Variants in HNRNPL observed in about 807,000 individuals in gnomAD.
The protein encoded by HNRNPL is epididymis secretory sperm binding protein.
Under a neutral mutation model 64.0 loss-of-function variants are expected in HNRNPL, and 12 were observed. The ratio of observed to expected loss-of-function variants is 0.19; its 90% CI spans 0.12 to 0.30. The LOEUF (loss-of-function observed/expected upper bound fraction) is 0.30, where lower values mean the gene tolerates loss of function less well. Ranked by LOEUF, HNRNPL falls within the 10% of genes least tolerant of loss-of-function variation. The pLI is 1.00. For synonymous variants in HNRNPL, 385 were observed against 313.0 expected, an observed-to-expected ratio of 1.23 and a Z score of -2.43; for missense variants, 484 against 797.4, an observed-to-expected ratio of 0.61 and a Z score of 4.73.
chr19:38,847,272 G>A, intron 2 of HNRNPL, 44 bp downstream of exon 2: 1 of 962,660 alleles, frequency 1.0e-6, no homozygotes, highest in Non-Finnish European at 1.5e-6. Flanking sequence ...GGACACCCAG[G>A]AGTCAACTTT....
chr19:38,838,341 C>A (rs1971997090), intron 10 of HNRNPL, 56 bp downstream of exon 10: 1 of 1,433,834 alleles, frequency 7.0e-7, no homozygotes, highest in African/African-American at 1.4e-5. Context: ...AATGAATGGC[C>A]TACTCAGACG....
chr19:38,841,439 T>G (rs931215318), intron 6 of HNRNPL: 2 of 378,618 alleles, frequency 5.3e-6, no homozygotes, highest in African/African-American at 4.2e-5. Flanking sequence ...TGAGCCATAT[T>G]TGAACCCAGG....
chr19:38,852,328 G>T (rs1600077867), upstream of HNRNPL: 1 of 152,222 alleles, frequency 6.6e-6, no homozygotes, highest in South Asian at 2.1e-4. Flanking sequence ...GGCCGTCCCG[G>T]ATCGAAAAGA....
chr19:38,843,792 G>A (rs759329224), intron 6 of HNRNPL, 50 bp downstream of exon 6: 57 of 1,462,118 alleles, frequency 3.9e-5, no homozygotes, highest in Admixed American at 3.7e-4. Flanking sequence ...TGCACTAGTC[G>A]AGTGAAAGCA....
intron 10 of HNRNPL, 117 bp downstream of exon 10, chr19:38,838,280 C>T (rs1971995311): frequency 2.5e-6 from 2 of 811,800 alleles, no homozygotes; most frequent in South Asian, 1.7e-5. Flanking sequence ...TAGCACTCAA[C>T]CCAGGGCCAG....
At chr19:38,844,166 C>CAG in intron 4 of HNRNPL, 62 bp from the exon 5 acceptor site, 3 of 1,112,364 alleles carry the variant, frequency 2.7e-6, no homozygotes, top group Non-Finnish European at 4.1e-6. Context: ...CAAGTTACCC[C>CAG]AGAGTGTGAT....
chr19:38,837,072 C>T (rs961403860), intron 12 of HNRNPL: 4 of 547,486 alleles, frequency 7.3e-6, no homozygotes, highest in Non-Finnish European at 9.7e-6. Flanking sequence ...ATAGTGTTGC[C>T]TCTTTCCTAG....
At chr19:38,850,681 G>A (rs546351485), upstream of HNRNPL, among the ~76,000 whole-genome samples, 1 of 152,330 alleles carries the variant, frequency 6.6e-6, no homozygotes, top group South Asian at 2.1e-4. Context: ...TGCGCCGGAA[G>A]GCTAGACCAA....
At chr19:38,840,646 C>CA in intron 6 of HNRNPL, 87 bp from the exon 7 acceptor site, 1 of 1,097,364 alleles carries the variant, frequency 9.1e-7, no homozygotes, top group Admixed American at 2.2e-5. Context: ...TCTGAGCCCC[C>CA]AGCTCCTGCC....
In HNRNPL at chr19:38,839,985, T is replaced by C. The variant is rs372338866; in HGVS notation, c.1233+111A>G. ...CTGCCTGAGCTCACTGAGTCACTCA[T>C]TGGCGTCTGCCCGCCCAGCGCCACA... On this transcript the variant is annotated intron_variant, in intron 8 of 12. Transcript: ENST00000221419. 24 of 981,084 alleles carry C rather than the reference T, an allele frequency of 2.4e-5. No homozygotes were observed. In the African/African-American group the frequency reaches 3.0e-4, roughly 12 times the overall value. 60.8% of individuals were successfully genotyped at this position (981,084 alleles called of 1,614,324 possible).
chr19:38,836,732 T>A lies in HNRNPL; in HGVS notation c.1760A>T (p.His587Leu). Residue 587 changes from histidine to leucine, a missense_variant, in exon 13 of 13, where the codon CAC becomes CTC. His to Leu is a moderately conservative substitution (Grantham distance 99). This residue lies in a region of HNRNPL where 69 missense variants were observed against 91.8 expected (regional missense o/e 0.75). Transcript: ENST00000221419. ...TLKLCFSTAQ[H>L]AS ...TTCCTAGGCACCTAATTAGGAGGCGTGCTGAGCAGTGGAGAAACACAACTT... is the reference window on the plus strand; with the variant it reads ...TTCCTAGGCACCTAATTAGGAGGCGAGCTGAGCAGTGGAGAAACACAACTT... 6.2e-7 allele frequency: 1 copy of A among 1,611,326 alleles called. No individual in the cohort carries two copies. The highest frequency in any genetic ancestry group is 8.5e-7 in the Non-Finnish European group (1 of 1,178,236).
At chr19:38,850,748 T>C (rs76135963), upstream of HNRNPL, among the ~76,000 whole-genome samples, 26 of 152,338 alleles carry the variant, frequency 1.7e-4, 1 homozygote, top group East Asian at 5.0e-3. Context: ...TGTTCATTTC[T>C]ACCTCTAGGA....
At chr19:38,846,937 T>C (rs1044576791) in intron 2 of HNRNPL, among the ~76,000 whole-genome samples, 5 of 151,124 alleles carry the variant, frequency 3.3e-5, no homozygotes, top group Admixed American at 6.6e-5. Context: ...AATATATATA[T>C]GTAAAAATTA....
intron 1 of HNRNPL, chr19:38,849,267 A>C: frequency 5.4e-6 from 1 of 183,984 alleles, no homozygotes; most frequent in Non-Finnish European, 1.1e-5. Flanking sequence ...GGAATTCCCC[A>C]CTCTAGAGAA....
At chr19:38,848,844 G>C (rs1439775499) in intron 1 of HNRNPL, among the ~76,000 whole-genome samples, 2 of 152,176 alleles carry the variant, frequency 1.3e-5, no homozygotes, top group African/African-American at 2.4e-5. Flanking sequence ...AAATGTGTGG[G>C]ACAAGGCCAA....
rs1228835523 is a variant in HNRNPL at position 38,838,263 on chromosome 19, G to A, written c.1557+134C>T. On this transcript the variant is annotated intron_variant, in intron 10 of 12. Transcript: ENST00000221419. ...ATTCCTATCTGTCCTGGCCTCTGCTGTGTCCCTAGCACTCAACCCAGGGCC... is the reference window on the plus strand; with the variant it reads ...ATTCCTATCTGTCCTGGCCTCTGCTATGTCCCTAGCACTCAACCCAGGGCC... 8.8e-6 allele frequency: 6 copies of A among 678,424 alleles called. No individual in the cohort carries two copies. In the East Asian group the frequency reaches 1.4e-4, roughly 15 times the overall value. 42.0% of individuals were successfully genotyped at this position (678,424 alleles called of 1,614,324 possible). A position where few individuals can be genotyped will look rare whatever the true frequency, so the allele number is the denominator to read the frequency against.
At chr19:38,839,220 G>A in intron 8 of HNRNPL, 1 of 575,330 alleles carries the variant, frequency 1.7e-6, no homozygotes. Context: ...TTAACTGTGG[G>A]ACATAACCCA....
At position 38,846,015 on chromosome 19, in the gene HNRNPL, C is replaced by A. The variant is rs1972281877; in HGVS notation, c.462G>T (p.Val154=). The A allele has an allele frequency of 1.9e-6, 3 of 1,614,078 alleles. No homozygotes were observed. In the East Asian group the frequency reaches 6.7e-5, roughly 36 times the overall value. ...ATATTTGGTTGTCGGCTGCGTAGTT[C>A]ACTGCGTTGCAAGCCCCCAACACAT... ...FEDVLGACNA[V]NYAADNQIYI... is the part of the protein sequence containing the mutation. Residue 154 remains valine (V), a synonymous_variant, in exon 3 of 13, where the codon GTG becomes GTT. Coordinates refer to ENST00000221419, the MANE Select transcript of HNRNPL (RefSeq NM_001533.3).
At chr19:38,847,834 G>C (rs1972352428) in intron 1 of HNRNPL, among the ~76,000 whole-genome samples, 2 of 152,222 alleles carry the variant, frequency 1.3e-5, no homozygotes, top group Non-Finnish European at 2.9e-5. Context: ...ATCTGCTACA[G>C]TTTGAATGAG....
Sources: gnomAD v4.1 joint callset for allele counts (sites outside exome capture counted in the v4.1 genomes callset) on GRCh38, gnomAD v4.1.1 for gene constraint, gnomAD v4.1.1 regional missense constraint, MANE v1.5 for transcripts, NCBI Gene and HGNC (gene_info 2026-07-23, HGNC 2026-07-21) for gene names.